Variants in MKLN1 observed in about 807,000 individuals in gnomAD.
The protein encoded by MKLN1 is muskelin 1.
Under a neutral mutation model 99.0 loss-of-function variants are expected in MKLN1, and 18 were observed. That is an observed-to-expected ratio of 0.18 (90% confidence interval 0.13 to 0.27). MKLN1 has a LOEUF of 0.27. MKLN1 is among the 10% of genes least tolerant of loss of function. The pLI is 1.00. For missense variants in MKLN1, 621 were observed against 875.9 expected, an observed-to-expected ratio of 0.71 and a Z score of 3.67; for synonymous variants, 288 against 293.2, an observed-to-expected ratio of 0.98 and a Z score of 0.18.
chr7:131,267,332 AAAAT>A (rs533014457), intron 3 of MKLN1, among the ~76,000 whole-genome samples: 3 of 152,024 alleles, frequency 2.0e-5, no homozygotes, highest in African/African-American at 4.8e-5. Context: ...CTCCATCTCA[AAAAT>A]AAATAAATAA....
intron 12 of MKLN1, among the ~76,000 whole-genome samples, chr7:131,446,774 A>C (rs1357180319): frequency 6.6e-6 from 1 of 152,174 alleles, no homozygotes; most frequent in African/African-American, 2.4e-5. Flanking sequence ...ACAAACAAAC[A>C]AAAAAACAAA....
intron 3 of MKLN1, among the ~76,000 whole-genome samples, chr7:131,205,167 T>C (rs1796791551): frequency 6.6e-6 from 1 of 152,028 alleles, no homozygotes; most frequent in Admixed American, 6.5e-5. Flanking sequence ...TTCCATGCTC[T>C]AGACCTTTAT....
chr7:131,483,955 T>C (rs1253061512), intron 17 of MKLN1, among the ~76,000 whole-genome samples: 5 of 152,228 alleles, frequency 3.3e-5, no homozygotes, highest in African/African-American at 1.2e-4. Context: ...AGATCAACTG[T>C]ATATACGCAT....
chr7:131,171,100 A>G (rs115757231), intron 2 of MKLN1, among the ~76,000 whole-genome samples: 48 of 152,326 alleles, frequency 3.2e-4, no homozygotes, highest in African/African-American at 1.1e-3. Flanking sequence ...TCAGAAGCCA[A>G]TAGGGTTCCA....
intron 1 of MKLN1, among the ~76,000 whole-genome samples, chr7:131,341,301 C>T (rs1162007778): frequency 6.6e-6 from 1 of 152,046 alleles, no homozygotes; most frequent in Non-Finnish European, 1.5e-5. Flanking sequence ...AATTTTAGAA[C>T]ATTTTCATAA....
Position 131,259,120 on chromosome 7 carries a change from A to T in MKLN1, c.-179+56146A>T, listed in dbSNP as rs185585069. On this transcript the variant is annotated intron_variant, in intron 3 of 7. Coordinates refer to the MKLN1 transcript ENST00000416992. The stretch of plus-strand genomic sequence containing the variant: ...ACTTTCTTTTTGGATTTTTTAAAAA[A>T]ATATATATATATAAAACACCTTCAT... Among the ~76,000 whole-genome samples, 1,065 of 152,004 alleles carry T rather than the reference A, an allele frequency of 7.0e-3. 17 individuals are homozygous for T. Among genetic ancestry groups the T allele is most frequent in the East Asian group, 0.041 (213 of 5,170 alleles).
intron 3 of MKLN1, among the ~76,000 whole-genome samples, chr7:131,207,230 TCTCA>T (rs1294659658): frequency 6.6e-6 from 1 of 151,910 alleles, no homozygotes; most frequent in African/African-American, 2.4e-5. Flanking sequence ...TGAGACAGAG[TCTCA>T]CTCACTCTGT....
chr7:131,417,755 T>G (rs1433243816), intron 8 of MKLN1, among the ~76,000 whole-genome samples: 1 of 152,188 alleles, frequency 6.6e-6, no homozygotes, highest in Admixed American at 6.5e-5. Context: ...GGGATAGAAG[T>G]GATGATTCGT....
rs566491292 is a variant in MKLN1, at chr7:131,194,216, C to T, written c.-296-8641C>T. Among the ~76,000 whole-genome samples the T allele has an allele frequency of 3.2e-4, 48 of 152,224 alleles. 1 individual carries two copies. The highest frequency in any genetic ancestry group is 1.1e-3 in the African/African-American group (44 of 41,546). ...TATTTACAACATTGTACAACCACCA[C>T]TTGCATCTAGTTCCAAAACATTTGG... is the stretch of plus-strand genomic sequence containing the variant. On this transcript the variant is annotated intron_variant, in intron 2 of 7. Transcript: ENST00000416992.
chr7:131,365,072 C>G (rs1326960516), intron 1 of MKLN1, among the ~76,000 whole-genome samples: 3 of 152,188 alleles, frequency 2.0e-5, no homozygotes, highest in Non-Finnish European at 4.4e-5. Flanking sequence ...AACTAATTTA[C>G]ACTCCCACTA....
intron 1 of MKLN1, among the ~76,000 whole-genome samples, chr7:131,357,725 G>A (rs1799924110): frequency 6.6e-6 from 1 of 151,838 alleles, no homozygotes; most frequent in Non-Finnish European, 1.5e-5. Flanking sequence ...TTTTTGTTTT[G>A]TTTTGTTTTT....
intron 2 of MKLN1, among the ~76,000 whole-genome samples, chr7:131,167,717 G>A (rs1267220608): frequency 6.6e-6 from 1 of 150,820 alleles, no homozygotes; most frequent in East Asian, 1.9e-4. Flanking sequence ...ACAGAAAAAT[G>A]TATACTAATG....
chr7:131,200,457 A>G (rs1364496325), intron 2 of MKLN1, among the ~76,000 whole-genome samples: 1 of 152,220 alleles, frequency 6.6e-6, no homozygotes, highest in East Asian at 1.9e-4. Flanking sequence ...GATTATGCAA[A>G]TGGCAGATTA....
rs894473977 is a variant in MKLN1, at chr7:131,495,250, T to A, written c.*7522T>A. ...ACCAAAATTGGACTGAAAATTAGAT[T>A]GAGAAGAAAGATACAACTTCCTCCA... On this transcript the variant is annotated 3_prime_UTR_variant, in exon 18 of 18. Coordinates refer to ENST00000352689, the MANE Select transcript of MKLN1 (RefSeq NM_013255.5). 2.6e-5 allele frequency: 4 copies of A among 152,146 alleles called. No homozygotes were observed. The highest frequency in any genetic ancestry group is 9.7e-5 in the African/African-American group (4 of 41,428). The allele number at this position is 152,146 out of a possible 1,614,324, so 9.4% of individuals were successfully genotyped here. A position where few individuals can be genotyped will look rare whatever the true frequency, so the allele number is the denominator to read the frequency against.
rs550822299 is a variant in MKLN1, at chr7:131,151,300, C to A, written c.-297+8359C>A. On this transcript the variant is annotated intron_variant, in intron 2 of 7. Transcript: ENST00000416992. ...ACCATAAGAAAATTTTGCTAAGAAA[C>A]CTTTTCTCATCTGCAAATTACTTGA... is the stretch of plus-strand genomic sequence containing the variant. Among the ~76,000 whole-genome samples the A allele has an allele frequency of 6.2e-4, 95 of 152,198 alleles. 2 individuals are homozygous for A. Among genetic ancestry groups the A allele is most frequent in the African/African-American group, 2.2e-3 (92 of 41,530 alleles).
At chr7:131,391,099 T>G (rs1474854952) in intron 4 of MKLN1, among the ~76,000 whole-genome samples, 1 of 152,068 alleles carries the variant, frequency 6.6e-6, no homozygotes, top group East Asian at 1.9e-4. Flanking sequence ...AAGGAAAATA[T>G]GGAACTAAAA....
At chr7:131,351,565 G>A (rs555857364) in intron 1 of MKLN1, among the ~76,000 whole-genome samples, 1 of 151,976 alleles carries the variant, frequency 6.6e-6, no homozygotes, top group East Asian at 2.0e-4. Context: ...GGGCTCAAGT[G>A]GTCCTCCCAC....
chr7:131,168,375 G>T (rs1402510724), intron 2 of MKLN1, among the ~76,000 whole-genome samples: 1 of 151,948 alleles, frequency 6.6e-6, no homozygotes, highest in Non-Finnish European at 1.5e-5. Flanking sequence ...GATTATGAAG[G>T]ACACAATTAT....
At chr7:131,333,330 G>T (rs1799148996) in intron 1 of MKLN1, among the ~76,000 whole-genome samples, 1 of 152,058 alleles carries the variant, frequency 6.6e-6, no homozygotes, top group Non-Finnish European at 1.5e-5. Context: ...TCACCTCAGT[G>T]CCCCAAAGTG....
Sources: allele counts gnomAD v4.1 joint callset (sites outside exome capture counted in the v4.1 genomes callset), GRCh38; gene constraint gnomAD v4.1.1; transcripts MANE v1.5; gene names NCBI Gene and HGNC (gene_info 2026-07-23, HGNC 2026-07-21).